FAM193B: variants seen among roughly 807,000 people sequenced by gnomAD.
The protein encoded by FAM193B is protein FAM193B.
Under a neutral mutation model 70.7 loss-of-function variants are expected in FAM193B, and 27 were observed. The observed-to-expected ratio is 0.38, with a 90% confidence interval of 0.28 to 0.53. The LOEUF (loss-of-function observed/expected upper bound fraction) is 0.53, where lower values mean the gene tolerates loss of function less well. Among genes scored for constraint, FAM193B ranks in the 20% least tolerant of loss-of-function variants. FAM193B has a pLI of 0.81. For synonymous variants in FAM193B, 448 were observed against 436.0 expected (o/e 1.03, Z -0.34); for missense variants, 1,022 against 1,072.5 (o/e 0.95, Z 0.66).
chr5:177,539,525 G>T (rs1009051758), intron 1 of FAM193B, among the ~76,000 whole-genome samples: 1 of 152,186 alleles, frequency 6.6e-6, no homozygotes, highest in East Asian at 1.9e-4. Flanking sequence ...ACAATTCTTG[G>T]GCTGCCTGTA....
At chr5:177,530,285 T>G (rs1763250793) in intron 5 of FAM193B, among the ~76,000 whole-genome samples, 2 of 152,192 alleles carry the variant, frequency 1.3e-5, no homozygotes, top group Non-Finnish European at 2.9e-5. Context: ...CCTGCACTTC[T>G]CCACTTAGAT....
At chr5:177,531,350 T>C (rs758049818) in intron 5 of FAM193B, 3 of 1,361,616 alleles carry the variant, frequency 2.2e-6, no homozygotes, top group Non-Finnish European at 2.9e-6. Context: ...GGCTCCGTGC[T>C]GTTGATGAAT....
intron 5 of FAM193B, among the ~76,000 whole-genome samples, chr5:177,528,217 C>G (rs1424989880): frequency 6.6e-6 from 1 of 152,136 alleles, no homozygotes; most frequent in Non-Finnish European, 1.5e-5. Flanking sequence ...CTCTAGTGGA[C>G]TAACACGATA....
Position 177,524,928 on chromosome 5 carries a change from G to C in FAM193B, c.1553C>G (p.Ser518Ter). ...AEPEPQSLPP[S>*]NLSGSSEQQP... The stretch of plus-strand genomic sequence containing the variant: ...CTGCTCTGAGGAGCCACTGAGGTTT[G>C]AGGGGGGTAGACTCTGAGGCTCAGG... The change falls in exon 6 of 9, where the codon TCA becomes TGA. Residue 518 changes from serine (S) to a stop codon, truncating the protein, a stop_gained. Coordinates refer to ENST00000514747, the MANE Select transcript of FAM193B (RefSeq NM_001190946.3). LOFTEE classifies it high-confidence loss of function. 6.6e-7 allele frequency: 1 copy of C among 1,507,664 alleles called. No homozygotes were observed. Among genetic ancestry groups the C allele is most frequent in the South Asian group, 1.4e-5 (1 of 73,458 alleles). 93.4% of individuals were successfully genotyped at this position (1,507,664 alleles called of 1,614,324 possible). A position where few individuals can be genotyped will look rare whatever the true frequency, so the allele number is the denominator to read the frequency against.
chr5:177,532,054 C>T lies in FAM193B; in HGVS notation c.1275+389G>A, dbSNP rs28500616. The T allele has an allele frequency of 7.6e-3, 9,791 of 1,294,046 alleles. 622 individuals carry two copies. The African/African-American group carries it at 0.13, about 17-fold the overall frequency. 80.2% of individuals were successfully genotyped at this position (1,294,046 alleles called of 1,614,324 possible). ...CCGTCTGTGCTCACGGCCTGTCCCT[C>T]GGCTGGCTGTCACACTTGGGGGACT... On this transcript the variant is annotated intron_variant, in intron 5 of 8. Transcript: ENST00000514747. The surrounding 1 kb of genome is among the most constrained non-coding windows in gnomAD (Gnocchi z 4.9).
At chr5:177,527,906 C>G (rs1204986539) in intron 5 of FAM193B, among the ~76,000 whole-genome samples, 1 of 152,190 alleles carries the variant, frequency 6.6e-6, no homozygotes, top group Non-Finnish European at 1.5e-5. Flanking sequence ...TGTGCAGAGT[C>G]TGAGATACCT....
intron 5 of FAM193B, chr5:177,531,217 C>T (rs950531552): frequency 1.7e-6 from 2 of 1,207,830 alleles, no homozygotes; most frequent in Admixed American, 6.9e-5. Flanking sequence ...CCCAGAAGTC[C>T]TGGGGGTTGG....
At chr5:177,529,006 A>G (rs897682144) in intron 5 of FAM193B, among the ~76,000 whole-genome samples, 2 of 152,098 alleles carry the variant, frequency 1.3e-5, no homozygotes, top group African/African-American at 4.8e-5. Flanking sequence ...TGATGGGTCA[A>G]TTTGCCTGCC....
At chr5:177,526,982 T>A (rs1054240003) in intron 5 of FAM193B, among the ~76,000 whole-genome samples, 2 of 152,164 alleles carry the variant, frequency 1.3e-5, no homozygotes, top group Non-Finnish European at 2.9e-5. Flanking sequence ...CAGTGACAAG[T>A]GCTGCATGGA....
At chr5:177,546,682 TC>T (rs1243824579) in intron 1 of FAM193B, among the ~76,000 whole-genome samples, 1 of 152,172 alleles carries the variant, frequency 6.6e-6, no homozygotes, top group Admixed American at 6.5e-5. Flanking sequence ...TACCCAAACT[TC>T]CATGCAGGCT....
intron 1 of FAM193B, chr5:177,553,961 T>C: frequency 8.0e-7 from 1 of 1,246,402 alleles, no homozygotes; most frequent in Non-Finnish European, 1.0e-6. Context: ...CACAGCCCAG[T>C]CCCAGTCCCA....
chr5:177,552,345 T>C (rs898614276), intron 1 of FAM193B, among the ~76,000 whole-genome samples: 3 of 152,224 alleles, frequency 2.0e-5, no homozygotes, highest in African/African-American at 7.2e-5. Context: ...AAGTAAGGTA[T>C]GTAAAGTGCC....
intron 5 of FAM193B, among the ~76,000 whole-genome samples, chr5:177,527,220 A>G (rs1762746473): frequency 1.3e-5 from 2 of 150,916 alleles, no homozygotes; most frequent in South Asian, 4.2e-4. Flanking sequence ...ATTCAGAGGT[A>G]TAGCTGTAGC....
chr5:177,531,720 G>T, intron 5 of FAM193B: 1 of 612,114 alleles, frequency 1.6e-6, no homozygotes, highest in Non-Finnish European at 2.4e-6. Flanking sequence ...AGGGAACAGG[G>T]CAGAGCTGGG....
intron 1 of FAM193B, chr5:177,553,171 C>T (rs1467732387): frequency 3.0e-6 from 3 of 985,536 alleles, no homozygotes; most frequent in East Asian, 2.3e-4. Flanking sequence ...CACTCACATG[C>T]ACAATTCCAG....
At chr5:177,549,122 C>G (rs1255069106) in intron 1 of FAM193B, among the ~76,000 whole-genome samples, 1 of 151,938 alleles carries the variant, frequency 6.6e-6, no homozygotes, top group Non-Finnish European at 1.5e-5. Context: ...AGAGCTACCA[C>G]TTGTGTTAAG....
intron 1 of FAM193B, chr5:177,547,092 C>T (rs948394945): frequency 1.3e-5 from 2 of 152,160 alleles, no homozygotes; most frequent in African/African-American, 2.4e-5. Context: ...GCCTCAATTT[C>T]CTCATTTATG....
chr5:177,524,736 C>T lies in FAM193B; in HGVS notation c.1745G>A (p.Gly582Glu), dbSNP rs1762323151. 1.3e-6 allele frequency: 2 copies of T among 1,548,418 alleles called. No homozygotes were observed. Among genetic ancestry groups the T allele is most frequent in the Admixed American group, 2.0e-5 (1 of 50,012 alleles). The change falls in exon 6 of 9, where the codon GGG becomes GAG. Residue 582 changes from glycine to glutamate, a missense_variant. Physicochemically the swap from Gly to Glu is moderately conservative, Grantham distance 98 (BLOSUM62 -2). Transcript: ENST00000514747. ...GPPPGIVPEN[G>E]LVRRLNTVPN... The stretch of plus-strand genomic sequence containing the variant: ...CACGGTGTTGAGTCTCCTCACGAGC[C>T]CGTTCTCGGGGACGATACCGGGAGG...
Position 177,525,082 on chromosome 5 carries a change from C to T in FAM193B, c.1399G>A (p.Val467Ile), listed in dbSNP as rs563761633. 4 of 1,597,076 alleles carry T rather than the reference C, an allele frequency of 2.5e-6. No homozygotes were observed. The highest frequency in any genetic ancestry group is 2.2e-5 in the South Asian group (2 of 89,040). ...LEWPDRELDR[V>I]NSFLSSRLQE... The stretch of plus-strand genomic sequence containing the variant: ...AGACGGCTGCTCAGGAAGCTGTTGA[C>T]CCGATCCAGTTCCCGGTCGGGCCAC... Residue 467 changes from valine to isoleucine, a missense_variant, in exon 6 of 9, where the codon GTC (valine) becomes ATC (isoleucine). Coordinates refer to ENST00000514747, the MANE Select transcript of FAM193B (RefSeq NM_001190946.3).
Sources: allele counts gnomAD v4.1 joint callset (sites outside exome capture counted in the v4.1 genomes callset), GRCh38; gene constraint gnomAD v4.1.1; non-coding constraint Gnocchi (gnomAD v3.1); transcripts MANE v1.5; gene names NCBI Gene and HGNC (gene_info 2026-07-23, HGNC 2026-07-21).